The following RBFOX1 variants were observed in gnomAD, a reference collection of about 807,000 sequenced individuals.
RBFOX1 encodes the protein RNA binding protein fox-1 homolog 1.
In RBFOX1, 8 loss-of-function variants were observed where a neutral mutation model predicts 57.7. That is an observed-to-expected ratio of 0.14 (90% CI 0.08 to 0.25). The LOEUF (loss-of-function observed/expected upper bound fraction) is 0.25, where lower values mean the gene tolerates loss of function less well. Among genes scored for constraint, RBFOX1 ranks in the 10% least tolerant of loss-of-function variants. RBFOX1 has a pLI of 1.00. For missense variants in RBFOX1, 611 were observed against 548.5 expected (o/e 1.11, Z -1.14); for synonymous variants, 326 against 222.4 (o/e 1.47, Z -4.15).
chr16:6,283,717 A>G (rs1483220112), intron 1 of RBFOX1, among the ~76,000 whole-genome samples: 1 of 152,198 alleles, frequency 6.6e-6, no homozygotes, highest in African/African-American at 2.4e-5. Flanking sequence ...CAGAAGGAAT[A>G]TGCACATACC....
intron 3 of RBFOX1, among the ~76,000 whole-genome samples, chr16:6,899,795 G>C (rs1363809882): frequency 6.6e-6 from 1 of 152,148 alleles, no homozygotes; most frequent in Non-Finnish European, 1.5e-5. Context: ...TTGAAGTATG[G>C]ACACCTTTTC....
At chr16:5,844,476 A>C (rs2056701704) in intron 3 of RBFOX1, among the ~76,000 whole-genome samples, 1 of 152,212 alleles carries the variant, frequency 6.6e-6, no homozygotes, top group African/African-American at 2.4e-5. Flanking sequence ...ATCTGTCTTC[A>C]TCCCTGACAT....
intron 1 of RBFOX1, among the ~76,000 whole-genome samples, chr16:6,103,683 C>A (rs186625802): frequency 2.6e-5 from 4 of 152,230 alleles, no homozygotes; most frequent in African/African-American, 9.6e-5. Flanking sequence ...AGCTAAGGAT[C>A]TGGGGGTGGG....
At chr16:6,021,846 G>T (rs1175632730) in intron 1 of RBFOX1, among the ~76,000 whole-genome samples, 4 of 152,142 alleles carry the variant, frequency 2.6e-5, no homozygotes, top group Non-Finnish European at 5.9e-5. Context: ...AGGGTTTGGG[G>T]GTAAATTACT....
At chr16:5,269,868 T>C (rs74931222) in intron 1 of RBFOX1, among the ~76,000 whole-genome samples, 3 of 152,194 alleles carry the variant, frequency 2.0e-5, no homozygotes, top group African/African-American at 7.2e-5. Context: ...TAAAAATAGA[T>C]TCCAGGCTGG....
intron 4 of RBFOX1, among the ~76,000 whole-genome samples, chr16:7,238,646 C>T (rs76627945): frequency 4.1e-4 from 63 of 152,148 alleles, no homozygotes; most frequent in African/African-American, 1.5e-3. Flanking sequence ...TTTTTTGTAA[C>T]TTTTATTTTA....
chr16:6,612,789 C>T (rs12927235), intron 2 of RBFOX1, among the ~76,000 whole-genome samples: 30,470 of 149,248 alleles, frequency 0.2, 3,453 homozygotes, highest in Middle Eastern at 0.26. Context: ...GAGGTGGAGA[C>T]TGCAGTGAGC....
At chr16:7,360,826 A>G (rs1027681946) in intron 4 of RBFOX1, among the ~76,000 whole-genome samples, 2 of 152,190 alleles carry the variant, frequency 1.3e-5, no homozygotes, top group Non-Finnish European at 2.9e-5. Flanking sequence ...TTAGGCTTGT[A>G]CATTCCAGCC....
At chr16:7,027,121 C>G (rs1231903680) in intron 3 of RBFOX1, among the ~76,000 whole-genome samples, 2 of 152,160 alleles carry the variant, frequency 1.3e-5, no homozygotes, top group South Asian at 2.1e-4. Flanking sequence ...TAAACGCTTT[C>G]TATGCCTTAG....
At chr16:6,276,816 TGC>T (rs112704171) in intron 1 of RBFOX1, among the ~76,000 whole-genome samples, 36 of 39,524 alleles carry the variant, frequency 9.1e-4, no homozygotes, top group African/African-American at 2.0e-3. Context: ...TTCTTTTCTT[TGC>T]TTTTTTTTTT....
At chr16:6,871,791 C>G (rs1451865038) in intron 3 of RBFOX1, among the ~76,000 whole-genome samples, 1 of 152,104 alleles carries the variant, frequency 6.6e-6, no homozygotes, top group Non-Finnish European at 1.5e-5. Context: ...ATTTTAGGAT[C>G]AAGTCTGGAA....
intron 12 of RBFOX1, among the ~76,000 whole-genome samples, chr16:7,658,086 G>T (rs1379494460): frequency 6.6e-6 from 1 of 152,154 alleles, no homozygotes; most frequent in Non-Finnish European, 1.5e-5. Flanking sequence ...GGAAATCCAT[G>T]TAAGGTGACA....
chr16:6,445,308 A>G (rs2094462269), intron 2 of RBFOX1, among the ~76,000 whole-genome samples: 1 of 152,112 alleles, frequency 6.6e-6, no homozygotes, highest in Non-Finnish European at 1.5e-5. Flanking sequence ...TTACATATGT[A>G]TACATGTGCC....
chr16:7,077,691 A>G (rs1180948530), intron 4 of RBFOX1, among the ~76,000 whole-genome samples: 1 of 152,208 alleles, frequency 6.6e-6, no homozygotes. Flanking sequence ...TTAAAATTAT[A>G]TCTGTCGGGT....
chr16:5,516,908 C>A (rs2043812633), intron 2 of RBFOX1, among the ~76,000 whole-genome samples: 1 of 152,000 alleles, frequency 6.6e-6, no homozygotes, highest in Admixed American at 6.6e-5. Context: ...TCAATTAAAC[C>A]TTTTTTCTTT....
chr16:7,013,107 A>G (rs1217687965), intron 3 of RBFOX1, among the ~76,000 whole-genome samples: 1 of 152,138 alleles, frequency 6.6e-6, no homozygotes, highest in East Asian at 1.9e-4. Context: ...CAAAAGTCCC[A>G]TCTCCAAATG....
chr16:7,442,237 A>G (rs1248702581), intron 4 of RBFOX1, among the ~76,000 whole-genome samples: 1 of 152,084 alleles, frequency 6.6e-6, no homozygotes, highest in Non-Finnish European at 1.5e-5. Context: ...CTCCAATGCC[A>G]GGTGTTCTCC....
At chr16:5,517,638 T>G (rs2043840924) in intron 2 of RBFOX1, among the ~76,000 whole-genome samples, 1 of 152,178 alleles carries the variant, frequency 6.6e-6, no homozygotes, top group Non-Finnish European at 1.5e-5. Context: ...AAATAATGTT[T>G]GGCATCTCAA....
intron 3 of RBFOX1, among the ~76,000 whole-genome samples, chr16:5,620,851 G>A (rs995319752): frequency 6.6e-6 from 1 of 151,892 alleles, no homozygotes; most frequent in Non-Finnish European, 1.5e-5. Flanking sequence ...ATTTTTATTT[G>A]TATTTTTTTG....
Sources: allele counts gnomAD v4.1 joint callset (sites outside exome capture counted in the v4.1 genomes callset), GRCh38; gene constraint gnomAD v4.1.1; transcripts MANE v1.5; gene names NCBI Gene and HGNC (gene_info 2026-07-23, HGNC 2026-07-21).